The following LPP variants were observed in gnomAD, a reference collection of about 807,000 sequenced individuals.
LPP encodes lipoma-preferred partner.
A neutral mutation model predicts 60.4 loss-of-function variants in LPP; 38 were observed. That is an observed-to-expected ratio of 0.63 (90% CI 0.49 to 0.83). The LOEUF (loss-of-function observed/expected upper bound fraction) is 0.83. Ranked by LOEUF, LPP falls within the 40% of genes least tolerant of loss-of-function variation. LPP has a pLI of 0.00. For synonymous variants in LPP, 328 were observed against 290.8 expected, an observed-to-expected ratio of 1.13 and a Z score of -1.30; for missense variants, 902 against 783.6, an observed-to-expected ratio of 1.15 and a Z score of -1.80.
intron 6 of LPP, chr3:188,584,546 C>CAT (rs144557143): frequency 1.4e-5 from 2 of 147,310 alleles, no homozygotes; most frequent in African/African-American, 2.5e-5. Flanking sequence ...TAATTTTAGT[C>CAT]GTGTGTGTGT....
intron 3 of LPP, among the ~76,000 whole-genome samples, chr3:188,398,369 A>AG (rs1318245646): frequency 6.6e-6 from 1 of 152,238 alleles, no homozygotes; most frequent in East Asian, 1.9e-4. Flanking sequence ...AGTACGCCCA[A>AG]GTCCTCTGCA....
chr3:188,533,273 A>G (rs150789606), intron 6 of LPP, among the ~76,000 whole-genome samples: 170 of 152,266 alleles, frequency 1.1e-3, no homozygotes, highest in African/African-American at 3.5e-3. Context: ...TAAAATGTTT[A>G]ATGCTTCATA....
chr3:188,374,499 G>T (rs1774337492), intron 3 of LPP, among the ~76,000 whole-genome samples: 1 of 151,952 alleles, frequency 6.6e-6, no homozygotes, highest in Non-Finnish European at 1.5e-5. Flanking sequence ...TCATGATTTG[G>T]CTCTCTGTTT....
At chr3:188,791,864 C>T (rs1743873669) in intron 9 of LPP, among the ~76,000 whole-genome samples, 1 of 152,142 alleles carries the variant, frequency 6.6e-6, no homozygotes, top group Non-Finnish European at 1.5e-5. Context: ...TGTTTGCCTG[C>T]ACCCCATTCC....
At chr3:188,660,552 G>C (rs1397983316) in intron 7 of LPP, among the ~76,000 whole-genome samples, 2 of 152,036 alleles carry the variant, frequency 1.3e-5, no homozygotes, top group African/African-American at 4.8e-5. Flanking sequence ...CATTATTTCT[G>C]TCTTAAACTT....
At chr3:188,276,667 CTG>C (rs1268188595) in intron 2 of LPP, among the ~76,000 whole-genome samples, 15 of 82,632 alleles carry the variant, frequency 1.8e-4, no homozygotes, top group Middle Eastern at 6.6e-3. Context: ...CCCTCCAACT[CTG>C]TCTCTCTCTC....
intron 7 of LPP, among the ~76,000 whole-genome samples, chr3:188,697,113 T>C (rs1863419155): frequency 6.6e-6 from 1 of 152,226 alleles, no homozygotes; most frequent in African/African-American, 2.4e-5. Flanking sequence ...GCCTCCCTGC[T>C]GAGGCCCAAA....
chr3:188,163,024 A>C (rs978669291), intron 1 of LPP, among the ~76,000 whole-genome samples: 1 of 152,168 alleles, frequency 6.6e-6, no homozygotes, highest in Non-Finnish European at 1.5e-5. Flanking sequence ...TGCCACAGAC[A>C]TTCACGGGCA....
At chr3:188,626,145 A>G (rs1257500906) in intron 7 of LPP, among the ~76,000 whole-genome samples, 1 of 152,186 alleles carries the variant, frequency 6.6e-6, no homozygotes, top group East Asian at 1.9e-4. Context: ...GGACTGCTAT[A>G]ACAAAATACA....
At chr3:188,426,651 A>G (rs895578754) in intron 4 of LPP, among the ~76,000 whole-genome samples, 13 of 152,090 alleles carry the variant, frequency 8.5e-5, no homozygotes, top group Non-Finnish European at 1.0e-4. Flanking sequence ...TTGGGTGCAT[A>G]TATATTTAGG....
At chr3:188,531,839 A>T (rs1822260495) in intron 6 of LPP, among the ~76,000 whole-genome samples, 1 of 152,146 alleles carries the variant, frequency 6.6e-6, no homozygotes, top group Admixed American at 6.5e-5. Context: ...ATATTATCAA[A>T]CTTGGGAAGG....
intron 3 of LPP, among the ~76,000 whole-genome samples, chr3:188,392,713 A>G (rs1344605411): frequency 6.6e-6 from 1 of 152,104 alleles, no homozygotes; most frequent in African/African-American, 2.4e-5. Context: ...CAGAATGAGC[A>G]ACTGGGACCA....
intron 9 of LPP, among the ~76,000 whole-genome samples, chr3:188,769,315 C>T (rs1405071419): frequency 6.6e-6 from 1 of 152,168 alleles, no homozygotes; most frequent in East Asian, 1.9e-4. Context: ...ATAGTTACTA[C>T]ACTCTCCTTT....
At chr3:188,308,945 T>TCCTTCTC (rs766969972) in intron 2 of LPP, among the ~76,000 whole-genome samples, 4 of 150,986 alleles carry the variant, frequency 2.6e-5, no homozygotes, top group Non-Finnish European at 4.4e-5. Context: ...CTCCTCCTCC[T>TCCTTCTC]CCTTCTCCCT....
chr3:188,774,626 C>T (rs1023562818), intron 9 of LPP, among the ~76,000 whole-genome samples: 3 of 152,120 alleles, frequency 2.0e-5, no homozygotes, highest in African/African-American at 7.2e-5. Flanking sequence ...CCTTAAATAA[C>T]AGAGATTTAT....
intron 2 of LPP, among the ~76,000 whole-genome samples, chr3:188,319,490 A>C (rs1756307019): frequency 6.6e-6 from 1 of 152,216 alleles, no homozygotes; most frequent in Non-Finnish European, 1.5e-5. Context: ...TTAACTAATC[A>C]AATGCATTTG....
chr3:188,799,416 G>A (rs1443969135), intron 9 of LPP, among the ~76,000 whole-genome samples: 1 of 152,154 alleles, frequency 6.6e-6, no homozygotes, highest in African/African-American at 2.4e-5. Flanking sequence ...TTTTTTGCAA[G>A]AATTGTTGAA....
intron 7 of LPP, among the ~76,000 whole-genome samples, chr3:188,698,611 A>C (rs1863767830): frequency 6.6e-6 from 1 of 152,008 alleles, no homozygotes; most frequent in African/African-American, 2.4e-5. Context: ...CTCGACTCTG[A>C]GGATTTGGCG....
chr3:188,288,686 C>T (rs1744861217), intron 2 of LPP, among the ~76,000 whole-genome samples: 1 of 152,064 alleles, frequency 6.6e-6, no homozygotes, highest in Non-Finnish European at 1.5e-5. Flanking sequence ...TTTTTCTTTT[C>T]CTAAAAGTTA....
Sources: gnomAD v4.1 joint callset for allele counts (sites outside exome capture counted in the v4.1 genomes callset) on GRCh38, gnomAD v4.1.1 for gene constraint, MANE v1.5 for transcripts, NCBI Gene and HGNC (gene_info 2026-07-23, HGNC 2026-07-21) for gene names.